ANKMY2: variants seen among roughly 807,000 people sequenced by gnomAD.
ANKMY2 encodes ankyrin repeat and MYND domain-containing protein 2.
ANKMY2 carries 36 observed loss-of-function variants against 50.4 expected under a neutral mutation model. That is an observed-to-expected ratio of 0.71 (90% CI 0.55 to 0.94). The LOEUF is 0.94. Among genes scored for constraint, ANKMY2 ranks in the 40% least tolerant of loss-of-function variants. The pLI is 0.00. For synonymous variants in ANKMY2, 187 were observed against 178.8 expected (o/e 1.05, Z -0.36); for missense variants, 565 against 524.0 (o/e 1.08, Z -0.76).
chr7:16,620,253 G>A (rs1003020849), intron 4 of ANKMY2, among the ~76,000 whole-genome samples: 3 of 152,148 alleles, frequency 2.0e-5, no homozygotes, highest in African/African-American at 7.2e-5. Context: ...GAAGATAGAT[G>A]ACAGGCAAAT....
intron 2 of ANKMY2, among the ~76,000 whole-genome samples, chr7:16,632,817 G>T (rs933782470): frequency 1.3e-5 from 2 of 152,186 alleles, no homozygotes; most frequent in Middle Eastern, 3.2e-3. Flanking sequence ...AATCATGTGA[G>T]GAACTGCGAG....
At chr7:16,603,750 C>T (rs1374747308) in intron 8 of ANKMY2, 1 of 468,822 alleles carries the variant, frequency 2.1e-6, no homozygotes, top group East Asian at 6.9e-5. Flanking sequence ...AAGGCTAGTC[C>T]TTGAGAGGTC....
intron 8 of ANKMY2, among the ~76,000 whole-genome samples, chr7:16,602,741 G>A: frequency 6.6e-6 from 1 of 152,160 alleles, no homozygotes; most frequent in East Asian, 1.9e-4. Context: ...CATGGGGGCG[G>A]TTTTCTCATG....
rs1433158931 is a variant in ANKMY2, at chr7:16,639,986, C to CCCATCTCTACTAA, written c.68-3544_68-3532dup. 2.0e-5 allele frequency among the ~76,000 whole-genome samples: 3 copies of CCCATCTCTACTAA among 151,434 alleles called. No homozygotes were observed. In the East Asian group the frequency reaches 5.8e-4, roughly 29 times the overall value. On this transcript the variant is annotated intron_variant, in intron 1 of 9. Coordinates refer to ENST00000306999, the MANE Select transcript of ANKMY2 (RefSeq NM_020319.3). Reference sequence around the variant, plus strand: ...ACCAGCCTGGCCAACATGGTGAAACCCCATCTCTACTAAAAAAAAAAATAC... The same window carrying CCCATCTCTACTAA: ...ACCAGCCTGGCCAACATGGTGAAACCCCATCTCTACTAACCATCTCTACTAAAAAAAAAAATAC...
chr7:16,627,218 TTA>T, intron 2 of ANKMY2, 40 bp from the exon 3 acceptor site: 1 of 1,427,434 alleles, frequency 7.0e-7, no homozygotes, highest in Non-Finnish European at 9.6e-7. Context: ...TTTTACTGTT[TTA>T]TCTTTTCTGT....
chr7:16,602,990 T>C (rs1781096608), intron 8 of ANKMY2, among the ~76,000 whole-genome samples: 1 of 152,206 alleles, frequency 6.6e-6, no homozygotes. Flanking sequence ...CGTGAGCCCA[T>C]TAAACCTCTT....
chr7:16,602,250 T>C, intron 9 of ANKMY2, 130 bp downstream of exon 9: 1 of 1,119,728 alleles, frequency 8.9e-7, no homozygotes. Flanking sequence ...AAAATTTAAA[T>C]GTGATTCTTA....
intron 5 of ANKMY2, among the ~76,000 whole-genome samples, chr7:16,612,867 A>T (rs964915118): frequency 6.6e-6 from 1 of 152,202 alleles, no homozygotes; most frequent in Admixed American, 6.5e-5. Context: ...TTAATTAATG[A>T]GGAGGAGCAA....
chr7:16,610,853 A>G (rs1380451022), intron 5 of ANKMY2, 90 bp from the exon 6 acceptor site: 2 of 1,150,944 alleles, frequency 1.7e-6, no homozygotes, highest in Admixed American at 5.0e-5. Context: ...TCAAAAGATT[A>G]CCAAAGAAAG....
At chr7:16,604,324 A>G (rs1024236571) in intron 8 of ANKMY2, among the ~76,000 whole-genome samples, 1 of 152,246 alleles carries the variant, frequency 6.6e-6, no homozygotes, top group African/African-American at 2.4e-5. Flanking sequence ...TGATGAAGAC[A>G]CTGTCATTAA....
intron 7 of ANKMY2, among the ~76,000 whole-genome samples, chr7:16,605,844 G>T (rs889113035): frequency 1.3e-5 from 2 of 151,736 alleles, no homozygotes; most frequent in African/African-American, 4.8e-5. Flanking sequence ...CACCACGCCC[G>T]GCTAATTTTT....
chr7:16,634,186 T>TA (rs1337023336), intron 2 of ANKMY2, among the ~76,000 whole-genome samples: 4 of 152,164 alleles, frequency 2.6e-5, no homozygotes, highest in African/African-American at 7.2e-5. Flanking sequence ...TAATTAAAAT[T>TA]AAACAAAATT....
chr7:16,615,235 C>T (rs965323958), intron 5 of ANKMY2, among the ~76,000 whole-genome samples: 3 of 152,174 alleles, frequency 2.0e-5, no homozygotes, highest in Non-Finnish European at 2.9e-5. Flanking sequence ...GTAATAGATG[C>T]TGTTAGTGCC....
chr7:16,604,821 A>T lies in ANKMY2; in HGVS notation c.911T>A (p.Leu304His), dbSNP rs1781125523. The stretch of plus-strand genomic sequence containing the variant: ...CACCTGGCCAGTGATGGCTTGGGTA[A>T]GGACGGAGAATGCAGTGGGATCAGA... ...IGSDPTAFSV[L>H]TQAITGQVGF... Residue 304 changes from leucine (L) to histidine (H), a missense_variant, in exon 8 of 10, where the codon CTT becomes CAT. By Grantham distance (99) the Leu-to-His change is moderately conservative (BLOSUM62 -3). Transcript: ENST00000306999. 1 of 1,613,816 alleles carries T rather than the reference A, an allele frequency of 6.2e-7. No homozygotes were observed. The highest frequency in any genetic ancestry group is 1.3e-5 in the African/African-American group (1 of 74,910).
chr7:16,622,750 G>GAATA (rs146183196), intron 4 of ANKMY2, among the ~76,000 whole-genome samples: 4,461 of 133,546 alleles, frequency 0.033, 216 homozygotes, highest in African/African-American at 0.1. Flanking sequence ...AAAAATAAAT[G>GAATA]AATAAATAAA....
chr7:16,601,615 T>C (rs1202400854), intron 9 of ANKMY2, among the ~76,000 whole-genome samples: 2 of 152,262 alleles, frequency 1.3e-5, no homozygotes, highest in Non-Finnish European at 2.9e-5. Context: ...ACTGAGAGTA[T>C]ATCTCAACCC....
At chr7:16,611,564 G>T (rs1395706767) in intron 5 of ANKMY2, among the ~76,000 whole-genome samples, 1 of 152,204 alleles carries the variant, frequency 6.6e-6, no homozygotes, top group Non-Finnish European at 1.5e-5. Flanking sequence ...AAACATGAAT[G>T]TGAGAGTGGC....
intron 3 of ANKMY2, among the ~76,000 whole-genome samples, chr7:16,626,329 A>G (rs976600804): frequency 6.6e-5 from 10 of 152,158 alleles, no homozygotes; most frequent in African/African-American, 2.4e-4. Flanking sequence ...CATATAATAC[A>G]GATTTTTAGT....
intron 4 of ANKMY2, among the ~76,000 whole-genome samples, chr7:16,618,276 G>A (rs1781386345): frequency 6.6e-6 from 1 of 152,074 alleles, no homozygotes; most frequent in African/African-American, 2.4e-5. Flanking sequence ...CTGGGTAACA[G>A]ACACCCTGTT....
Sources: allele counts gnomAD v4.1 joint callset (sites outside exome capture counted in the v4.1 genomes callset), GRCh38; gene constraint gnomAD v4.1.1; transcripts MANE v1.5; gene names NCBI Gene and HGNC (gene_info 2026-07-23, HGNC 2026-07-21).